Variants in KCNH7 observed in about 807,000 individuals in gnomAD.
The protein encoded by KCNH7 is potassium voltage-gated channel subfamily H member 7.
Under a neutral mutation model 120.8 loss-of-function variants are expected in KCNH7, and 49 were observed. That is an observed-to-expected ratio of 0.41 (90% CI 0.32 to 0.51). The LOEUF (loss-of-function observed/expected upper bound fraction) is 0.51. KCNH7 is among the 20% of genes least tolerant of loss of function. The pLI, the probability that KCNH7 is intolerant of heterozygous loss-of-function variation, is 0.38. For synonymous variants in KCNH7, 547 were observed against 516.1 expected, an observed-to-expected ratio of 1.06 and a Z score of -0.81; for missense variants, 1,097 against 1,446.6, an observed-to-expected ratio of 0.76 and a Z score of 3.92.
At chr2:162,802,375 C>T (rs1684383196) in intron 2 of KCNH7, among the ~76,000 whole-genome samples, 1 of 151,724 alleles carries the variant, frequency 6.6e-6, no homozygotes, top group Non-Finnish European at 1.5e-5. Flanking sequence ...ACATTAGCTT[C>T]TGAATTAGAA....
In KCNH7 at chr2:162,446,177, A is replaced by G. The variant is rs761730017; in HGVS notation, c.1395T>C (p.Asp465=). 35 of 1,613,724 alleles carry G rather than the reference A, an allele frequency of 2.2e-5. No homozygotes were observed. Among genetic ancestry groups the G allele is most frequent in the Non-Finnish European group, 3.0e-5 (35 of 1,179,706 alleles). ...ATGTTGTTCTGAAGTTTATTAAAAT[A>G]TCTATGATAAACATAATATCCACAA... ...DLIVDIMFII[D]ILINFRTTYV... Residue 465 remains aspartate, a synonymous_variant, in exon 7 of 16, where the codon GAT becomes GAC. Transcript: ENST00000332142.
intron 2 of KCNH7, among the ~76,000 whole-genome samples, chr2:162,723,673 T>A (rs919124058): frequency 6.6e-6 from 1 of 152,222 alleles, no homozygotes; most frequent in South Asian, 2.1e-4. Context: ...TACTTCAGTT[T>A]CTTTTTTTGT....
intron 6 of KCNH7, among the ~76,000 whole-genome samples, chr2:162,473,905 A>G (rs777743587): frequency 3.3e-5 from 5 of 152,234 alleles, no homozygotes; most frequent in Admixed American, 1.3e-4. Context: ...TTATGAATAA[A>G]TGAAAGCTCT....
intron 2 of KCNH7, among the ~76,000 whole-genome samples, chr2:162,538,816 G>T (rs759977337): frequency 5.3e-5 from 8 of 152,042 alleles, no homozygotes; most frequent in Non-Finnish European, 1.2e-4. Flanking sequence ...TAATTTCCAA[G>T]GAATTGATCG....
chr2:162,725,092 T>C (rs1412526337), intron 2 of KCNH7, among the ~76,000 whole-genome samples: 1 of 152,198 alleles, frequency 6.6e-6, no homozygotes, highest in Non-Finnish European at 1.5e-5. Flanking sequence ...AATTCAATGG[T>C]GTTTAGAATC....
chr2:162,656,622 G>A (rs1684773032), intron 2 of KCNH7, among the ~76,000 whole-genome samples: 1 of 152,040 alleles, frequency 6.6e-6, no homozygotes, highest in Non-Finnish European at 1.5e-5. Context: ...CTGCACCCAG[G>A]GTATGTTATT....
At chr2:162,632,541 T>C (rs1683811554) in intron 2 of KCNH7, among the ~76,000 whole-genome samples, 1 of 151,730 alleles carries the variant, frequency 6.6e-6, no homozygotes, top group Admixed American at 6.6e-5. Context: ...AAAAAGAAAA[T>C]ATTCAATATT....
intron 2 of KCNH7, among the ~76,000 whole-genome samples, chr2:162,803,663 T>C (rs557949285): frequency 6.3e-4 from 96 of 151,918 alleles, no homozygotes; most frequent in Non-Finnish European, 1.0e-3. Flanking sequence ...TTCATTCTAA[T>C]GAAAGAATCA....
At chr2:162,700,217 C>A (rs1469545834) in intron 2 of KCNH7, among the ~76,000 whole-genome samples, 1 of 152,128 alleles carries the variant, frequency 6.6e-6, no homozygotes, top group Non-Finnish European at 1.5e-5. Context: ...CACATAACCC[C>A]CCAGAGCCCC....
intron 7 of KCNH7, among the ~76,000 whole-genome samples, chr2:162,438,784 TGTAGATG>T (rs915229153): frequency 3.3e-5 from 5 of 152,170 alleles, no homozygotes; most frequent in African/African-American, 1.2e-4. Flanking sequence ...TAACACATCT[TGTAGATG>T]ATGCTTAGGA....
chr2:162,682,056 A>G (rs1257290800), intron 2 of KCNH7, among the ~76,000 whole-genome samples: 1 of 151,632 alleles, frequency 6.6e-6, no homozygotes, highest in African/African-American at 2.4e-5. Flanking sequence ...TTAGTTCACA[A>G]AGGTAAAGTC....
intron 2 of KCNH7, among the ~76,000 whole-genome samples, chr2:162,802,093 C>G (rs1684371207): frequency 6.6e-6 from 1 of 151,682 alleles, no homozygotes; most frequent in Non-Finnish European, 1.5e-5. Context: ...TTCAGTAGGT[C>G]TTGTGTGAGG....
chr2:162,626,467 A>G (rs1350721020), intron 2 of KCNH7, among the ~76,000 whole-genome samples: 1 of 152,196 alleles, frequency 6.6e-6, no homozygotes, highest in Non-Finnish European at 1.5e-5. Context: ...TCTGAAAGTC[A>G]TGAAGTACAC....
At chr2:162,454,530 A>C (rs1688891052) in intron 6 of KCNH7, among the ~76,000 whole-genome samples, 1 of 152,134 alleles carries the variant, frequency 6.6e-6, no homozygotes, top group African/African-American at 2.4e-5. Flanking sequence ...TGAATCTATA[A>C]ATTACTTTGG....
intron 6 of KCNH7, among the ~76,000 whole-genome samples, chr2:162,457,265 T>A (rs956003208): frequency 6.6e-6 from 1 of 151,986 alleles, no homozygotes; most frequent in Admixed American, 6.6e-5. Flanking sequence ...ATTTGAGAAA[T>A]AACATACTTC....
In KCNH7 at chr2:162,371,740, C is replaced by T; in HGVS notation, c.*89G>A. ...GCATATAATGGTACCTTGTGAGCCCCTGAGTCAAGTAGAGAGGATTTAAAT... is the reference window on the plus strand; with the variant it reads ...GCATATAATGGTACCTTGTGAGCCCTTGAGTCAAGTAGAGAGGATTTAAAT... On this transcript the variant is annotated 3_prime_UTR_variant, in exon 16 of 16. Transcript: ENST00000332142. The T allele has an allele frequency of 3.2e-6, 4 of 1,258,784 alleles. No individual in the cohort carries two copies. Among genetic ancestry groups the T allele is most frequent in the Non-Finnish European group, 3.3e-6 (3 of 909,422 alleles). The allele number at this position is 1,258,784 out of a possible 1,614,324, so 78.0% of individuals were successfully genotyped here.
intron 2 of KCNH7, among the ~76,000 whole-genome samples, chr2:162,687,379 C>T (rs1218318010): frequency 1.3e-5 from 2 of 151,910 alleles, no homozygotes; most frequent in East Asian, 3.9e-4. Flanking sequence ...AAATTGTGTA[C>T]CTTTAAAATT....
At chr2:162,419,320 AAAATAAATGAAAACTGTTTCTGGAT>A (rs1687632849) in intron 9 of KCNH7, among the ~76,000 whole-genome samples, 1 of 150,588 alleles carries the variant, frequency 6.6e-6, no homozygotes, top group South Asian at 2.1e-4. Context: ...TTTTCTTACT[AAAATAAATGAAAACTGTTTCTGGAT>A]TACCTGAGTT....
At chr2:162,668,936 C>T (rs1048614360) in intron 2 of KCNH7, among the ~76,000 whole-genome samples, 7 of 152,034 alleles carry the variant, frequency 4.6e-5, no homozygotes, top group African/African-American at 1.7e-4. Flanking sequence ...AAATTAAAAA[C>T]TTAATAGATG....
Sources: gnomAD v4.1 joint callset for allele counts (sites outside exome capture counted in the v4.1 genomes callset) on GRCh38, gnomAD v4.1.1 for gene constraint, MANE v1.5 for transcripts, NCBI Gene and HGNC (gene_info 2026-07-23, HGNC 2026-07-21) for gene names.